The following RNF10 variants were observed in gnomAD, a reference collection of about 807,000 sequenced individuals.
The protein encoded by RNF10 is ring finger protein 10.
A neutral mutation model predicts 91.4 loss-of-function variants in RNF10; 38 were observed. The ratio of observed to expected loss-of-function variants is 0.42; its 90% CI spans 0.32 to 0.54. The LOEUF (loss-of-function observed/expected upper bound fraction) is 0.54. RNF10 is among the 20% of genes least tolerant of loss of function. RNF10 has a pLI of 0.16. For missense variants in RNF10, 945 were observed against 1,012.0 expected (o/e 0.93, Z 0.90); for synonymous variants, 364 against 366.3 (o/e 0.99, Z 0.07).
chr12:120,552,009 C>T (rs1873165274), intron 2 of RNF10, among the ~76,000 whole-genome samples: 1 of 145,566 alleles, frequency 6.9e-6, no homozygotes, highest in South Asian at 2.2e-4. Context: ...GGAAATGCTA[C>T]ATACTTTTTT....
Position 120,565,141 on chromosome 12 carries a change from G to T in RNF10, c.1735G>T (p.Ala579Ser). ...CTGTGAGTTCAGCATCTGTGAACTGGCTTTGCAACCTCCTGTGGTCTCTAA... is the reference window on the plus strand; with the variant it reads ...CTGTGAGTTCAGCATCTGTGAACTGTCTTTGCAACCTCCTGTGGTCTCTAA... ...LTCEFSICELALQPPVVSKET... is the reference protein window; with the variant it reads ...LTCEFSICELSLQPPVVSKET... The change falls in exon 11 of 17, where the codon GCT becomes TCT. Residue 579 changes from alanine to serine, a missense_variant. Ala to Ser is a moderately conservative substitution (Grantham distance 99). Transcript: ENST00000325954. 6.2e-7 allele frequency: 1 copy of T among 1,613,990 alleles called. No homozygotes were observed. The highest frequency in any genetic ancestry group is 8.5e-7 in the Non-Finnish European group (1 of 1,179,892).
intron 2 of RNF10, among the ~76,000 whole-genome samples, chr12:120,550,466 G>C (rs577642575): frequency 6.6e-6 from 1 of 152,258 alleles, no homozygotes; most frequent in Admixed American, 6.5e-5. Context: ...GGGCATTAAG[G>C]GTGGAAGACC....
chr12:120,555,849 C>T (rs1175806003), intron 4 of RNF10, among the ~76,000 whole-genome samples: 4 of 149,344 alleles, frequency 2.7e-5, no homozygotes, highest in Non-Finnish European at 5.9e-5. Context: ...AGTGCAGTGG[C>T]GCGATGTTGG....
chr12:120,559,018 T>C (rs1412425993), intron 6 of RNF10, among the ~76,000 whole-genome samples: 2 of 149,524 alleles, frequency 1.3e-5, no homozygotes, highest in African/African-American at 4.9e-5. Context: ...TTCATTAAAA[T>C]AATTAAAATT....
At position 120,552,629 on chromosome 12, in the gene RNF10, A is replaced by T; in HGVS notation, c.485A>T (p.His162Leu). The change falls in exon 3 of 17, where the codon CAT (histidine) becomes CTT (leucine). Residue 162 changes from histidine (H) to leucine (L), a missense_variant. By Grantham distance (99) the His-to-Leu change is moderately conservative. Coordinates refer to ENST00000325954, the MANE Select transcript of RNF10 (RefSeq NM_014868.5). Reference sequence around the variant, plus strand: ...ACGGGTCACTTTGAAGGCAGTGGACATGGTAGCTGGGGAAAGAGGAACAAG... The same window carrying T: ...ACGGGTCACTTTGAAGGCAGTGGACTTGGTAGCTGGGGAAAGAGGAACAAG... The part of the protein sequence containing the change: ...GQTGHFEGSG[H>L]GSWGKRNKWG... 1.2e-6 allele frequency: 2 copies of T among 1,614,178 alleles called. No individual in the cohort carries two copies. Among genetic ancestry groups the T allele is most frequent in the Non-Finnish European group, 8.5e-7 (1 of 1,180,010 alleles).
chr12:120,557,524 C>T (rs1593085689), intron 5 of RNF10, 22 bp from the exon 6 acceptor site: 1 of 1,614,130 alleles, frequency 6.2e-7, no homozygotes. Context: ...TGCCCTGCTA[C>T]ATATGAGTGT....
intron 12 of RNF10, among the ~76,000 whole-genome samples, chr12:120,566,085 G>A (rs1875648219): frequency 6.6e-6 from 1 of 152,184 alleles, no homozygotes; most frequent in African/African-American, 2.4e-5. Context: ...CTGAGTCCTT[G>A]GCCCAGAAAA....
chr12:120,575,212 G>A (rs572722659), intron 14 of RNF10: 30 of 173,504 alleles, frequency 1.7e-4, no homozygotes, highest in African/African-American at 6.9e-4. Flanking sequence ...CGCCAGCCTG[G>A]GCAACAAGAG....
At chr12:120,562,813 A>T (rs1223174964) in intron 7 of RNF10, 132 bp from the exon 8 acceptor site, 1 of 1,047,382 alleles carries the variant, frequency 9.5e-7, no homozygotes, top group Non-Finnish European at 1.4e-6. Flanking sequence ...TAAGCACCTA[A>T]TTCCTTCCCA....
chr12:120,572,899 CCT>C (rs1491173669), intron 14 of RNF10, among the ~76,000 whole-genome samples: 1 of 87,346 alleles, frequency 1.1e-5, no homozygotes, highest in African/African-American at 3.8e-5. Context: ...CTGCGCCTGG[CCT>C]TTTTTTTTTT....
At position 120,575,485 on chromosome 12, in the gene RNF10, CAGTGTGTTA is replaced by C. The variant is rs2137278667; in HGVS notation, c.2143-143_2143-135del. ...CAGGATATAGAGGACATGACTAGAA[CAGTGTGTTA>C]AGGAGAGAAGTACCTGGAAAATCTT... is the stretch of plus-strand genomic sequence containing the variant. On this transcript the variant is annotated intron_variant, in intron 14 of 16. Coordinates refer to ENST00000325954, the MANE Select transcript of RNF10 (RefSeq NM_014868.5). 7.4e-6 allele frequency: 6 copies of C among 807,754 alleles called. No individual in the cohort carries two copies. The South Asian group carries it at 9.7e-5, about 13-fold the overall frequency. 50.0% of individuals were successfully genotyped at this position (807,754 alleles called of 1,614,324 possible).
chr12:120,537,184 T>TGAAG (rs1870948123), intron 1 of RNF10, among the ~76,000 whole-genome samples: 1 of 151,864 alleles, frequency 6.6e-6, no homozygotes, highest in Non-Finnish European at 1.5e-5. Context: ...CACGCACCTG[T>TGAAG]AGTCCCAGCT....
rs1872343222 is a variant in RNF10 at position 120,546,402 on chromosome 12, C to T, written c.158-3C>T. The T allele has an allele frequency of 6.2e-7, 1 of 1,603,084 alleles. No individual in the cohort carries two copies. The highest frequency in any genetic ancestry group is 8.5e-7 in the Non-Finnish European group (1 of 1,175,240). On this transcript the variant is annotated splice_polypyrimidine_tract_variant and splice_region_variant and intron_variant, in intron 1 of 16. Coordinates refer to ENST00000325954, the MANE Select transcript of RNF10 (RefSeq NM_014868.5). ...GACGTTCTTTTGTGTTTCTTGCTTT[C>T]AGATGGAAAGAACTCCAGTGGATCC...
intron 13 of RNF10, among the ~76,000 whole-genome samples, chr12:120,569,311 A>G (rs1189455900): frequency 6.6e-6 from 1 of 151,796 alleles, no homozygotes; most frequent in East Asian, 2.0e-4. Context: ...ATTCTTAACA[A>G]AGTGTCCATC....
At chr12:120,555,743 G>A (rs1287927614) in intron 4 of RNF10, among the ~76,000 whole-genome samples, 9 of 150,304 alleles carry the variant, frequency 6.0e-5, no homozygotes, top group Admixed American at 4.0e-4. Context: ...TGATCCTCCC[G>A]ACTTGGCCTC....
chr12:120,567,276 C>T (rs1272329332), intron 13 of RNF10, among the ~76,000 whole-genome samples: 6 of 151,854 alleles, frequency 4.0e-5, no homozygotes, highest in Non-Finnish European at 5.9e-5. Flanking sequence ...TGAGATACTC[C>T]CCTGTATGCC....
chr12:120,574,452 T>G (rs1027408626), intron 14 of RNF10: 11 of 455,966 alleles, frequency 2.4e-5, no homozygotes, highest in Middle Eastern at 6.5e-4. Flanking sequence ...TTGTTCTGAT[T>G]TTATTGTCCT....
intron 6 of RNF10, among the ~76,000 whole-genome samples, chr12:120,559,135 G>T (rs1391483800): frequency 1.3e-5 from 2 of 148,678 alleles, no homozygotes; most frequent in Admixed American, 1.3e-4. Flanking sequence ...TTTTAGCAGA[G>T]ATGAGGTCTT....
At position 120,534,678 on chromosome 12, in the gene RNF10, A is replaced by G. The variant is rs1192592727; in HGVS notation, c.-134A>G. 1 of 1,377,618 alleles carries G rather than the reference A, an allele frequency of 7.3e-7. No individual in the cohort carries two copies. The highest frequency in any genetic ancestry group is 3.0e-5 in the East Asian group (1 of 32,938). 85.3% of individuals were successfully genotyped at this position (1,377,618 alleles called of 1,614,324 possible). A position where few individuals can be genotyped will look rare whatever the true frequency, so the allele number is the denominator to read the frequency against. ...CCTAGTTTGAGAAGCCAAGGAAGGAAACAGGGAAAAATGTCGCCATGAAGG... is the reference window on the plus strand; with the variant it reads ...CCTAGTTTGAGAAGCCAAGGAAGGAGACAGGGAAAAATGTCGCCATGAAGG... On this transcript the variant is annotated 5_prime_UTR_variant, in exon 1 of 17. Coordinates refer to ENST00000325954, the MANE Select transcript of RNF10 (RefSeq NM_014868.5).
Sources: gnomAD v4.1 joint callset for allele counts (sites outside exome capture counted in the v4.1 genomes callset) on GRCh38, gnomAD v4.1.1 for gene constraint, MANE v1.5 for transcripts, NCBI Gene and HGNC (gene_info 2026-07-23, HGNC 2026-07-21) for gene names.